VPS8: variants seen among roughly 807,000 people sequenced by gnomAD.
VPS8 encodes the protein vacuolar protein sorting-associated protein 8 homolog.
In VPS8, 129 loss-of-function variants were observed where a neutral mutation model predicts 216.4. The ratio of observed to expected loss-of-function variants is 0.60; its 90% confidence interval spans 0.52 to 0.69. The LOEUF (loss-of-function observed/expected upper bound fraction) is 0.69, where lower values mean the gene tolerates loss of function less well. Among genes scored for constraint, VPS8 ranks in the 30% least tolerant of loss-of-function variants. VPS8 has a pLI of 0.00. For missense variants in VPS8, 1,531 were observed against 1,683.5 expected (o/e 0.91, Z 1.59); for synonymous variants, 571 against 565.4 (o/e 1.01, Z -0.14).
chr3:185,036,200 C>T (rs1312755484), intron 46 of VPS8, among the ~76,000 whole-genome samples: 3 of 152,106 alleles, frequency 2.0e-5, no homozygotes, highest in Admixed American at 6.5e-5. Context: ...AAGCAATTTA[C>T]AGTCAGTGCT....
At position 184,990,017 on chromosome 3, in the gene VPS8, G is replaced by A. The variant is rs142203050; in HGVS notation, c.3586-3966G>A. The stretch of plus-strand genomic sequence containing the variant: ...GAACCTGGGAGGCAGAGCTTGCAGC[G>A]AGCCGAGACCACGCCACTGCACTCC... On this transcript the variant is annotated intron_variant, in intron 42 of 47. Transcript: ENST00000625842. Among the ~76,000 whole-genome samples, 194 of 152,118 alleles carry A rather than the reference G, an allele frequency of 1.3e-3. 1 individual carries two copies. Among genetic ancestry groups the A allele is most frequent in the African/African-American group, 4.5e-3 (185 of 41,502 alleles).
chr3:184,994,280 T>C (rs569245377), intron 43 of VPS8, among the ~76,000 whole-genome samples: 11 of 152,014 alleles, frequency 7.2e-5, no homozygotes, highest in Non-Finnish European at 1.5e-4. Context: ...GACAGGAGGA[T>C]TGCCAGAGGC....
chr3:184,932,586 T>C (rs564563037), intron 34 of VPS8, among the ~76,000 whole-genome samples: 2 of 152,314 alleles, frequency 1.3e-5, no homozygotes, highest in South Asian at 4.1e-4. Flanking sequence ...CACAGTTCTT[T>C]CTTCCCCCTT....
intron 28 of VPS8, among the ~76,000 whole-genome samples, chr3:184,916,868 C>A (rs1737688953): frequency 6.6e-6 from 1 of 152,134 alleles, no homozygotes; most frequent in South Asian, 2.1e-4. Context: ...ATGCTGATGT[C>A]TGAATTATGA....
chr3:184,907,905 A>G (rs1201792040), intron 25 of VPS8, among the ~76,000 whole-genome samples: 1 of 152,172 alleles, frequency 6.6e-6, no homozygotes, highest in Non-Finnish European at 1.5e-5. Context: ...CATGGGTTAT[A>G]AATTAGGGCC....
intron 45 of VPS8, among the ~76,000 whole-genome samples, chr3:185,018,161 G>A (rs1237775857): frequency 1.3e-5 from 2 of 152,162 alleles, no homozygotes; most frequent in African/African-American, 4.8e-5. Flanking sequence ...TCAACTAAAT[G>A]TGCTTTCCCT....
At chr3:184,856,734 G>A (rs2108690759) in intron 14 of VPS8, among the ~76,000 whole-genome samples, 1 of 152,202 alleles carries the variant, frequency 6.6e-6, no homozygotes, top group South Asian at 2.1e-4. Flanking sequence ...GCTAGTCTCT[G>A]GCCTCAGTGC....
chr3:184,978,500 A>G (rs961287356), intron 40 of VPS8, among the ~76,000 whole-genome samples: 5 of 151,486 alleles, frequency 3.3e-5, no homozygotes, highest in African/African-American at 4.9e-5. Flanking sequence ...GGCTCAAGCA[A>G]TCCTCCCACC....
intron 21 of VPS8, among the ~76,000 whole-genome samples, chr3:184,874,845 C>A (rs1343987257): frequency 6.6e-6 from 1 of 152,122 alleles, no homozygotes; most frequent in East Asian, 1.9e-4. Context: ...GTGGAGACAT[C>A]CCTGCCTAGA....
chr3:184,862,028 G>A (rs1194434043), intron 15 of VPS8, among the ~76,000 whole-genome samples: 1 of 152,084 alleles, frequency 6.6e-6, no homozygotes, highest in Non-Finnish European at 1.5e-5. Context: ...CTAATATACA[G>A]TAATAGAGTG....
chr3:184,828,179 G>A (rs1321502579), intron 3 of VPS8, among the ~76,000 whole-genome samples: 1 of 151,820 alleles, frequency 6.6e-6, no homozygotes, highest in Non-Finnish European at 1.5e-5. Context: ...TCACTCCATC[G>A]CCCAGGCTGT....
chr3:184,838,609 A>G (rs1721552535), intron 5 of VPS8, 105 bp from the exon 6 acceptor site: 2 of 914,122 alleles, frequency 2.2e-6, no homozygotes, highest in East Asian at 5.8e-5. Context: ...TCTACCTCTA[A>G]TCTAAATTGA....
At chr3:184,929,458 TG>T (rs1289869483) in intron 32 of VPS8, 121 bp from the exon 33 acceptor site, 1 of 625,502 alleles carries the variant, frequency 1.6e-6, no homozygotes, top group Non-Finnish European at 2.8e-6. Context: ...CCAAAGTGCT[TG>T]GATTATAAGC....
intron 39 of VPS8, among the ~76,000 whole-genome samples, chr3:184,967,939 A>G (rs1165241111): frequency 5.9e-5 from 9 of 152,168 alleles, no homozygotes; most frequent in Non-Finnish European, 1.2e-4. Context: ...AGCATTAAGT[A>G]TATTCACGTA....
chr3:184,954,313 G>A (rs1367361019), intron 36 of VPS8, among the ~76,000 whole-genome samples: 1 of 152,138 alleles, frequency 6.6e-6, no homozygotes, highest in Non-Finnish European at 1.5e-5. Context: ...GCTTTATTAT[G>A]TAGACGTGAT....
chr3:184,980,057 G>T (rs966527421), intron 40 of VPS8, among the ~76,000 whole-genome samples: 1 of 152,134 alleles, frequency 6.6e-6, no homozygotes, highest in African/African-American at 2.4e-5. Context: ...ATGAGGTTTA[G>T]TTTGTTTGGA....
intron 21 of VPS8, among the ~76,000 whole-genome samples, chr3:184,879,360 CT>C (rs926603256): frequency 1.2e-4 from 18 of 151,976 alleles, no homozygotes; most frequent in African/African-American, 4.3e-4. Flanking sequence ...TACTTGTTTT[CT>C]TTTTTTTAAT....
chr3:185,017,855 C>T (rs1756036900), intron 45 of VPS8, among the ~76,000 whole-genome samples: 3 of 151,984 alleles, frequency 2.0e-5, no homozygotes, highest in African/African-American at 7.3e-5. Context: ...TGACGTTTCC[C>T]GAAATCAGGT....
At chr3:184,946,101 G>C (rs1743626957) in intron 36 of VPS8, among the ~76,000 whole-genome samples, 1 of 152,216 alleles carries the variant, frequency 6.6e-6, no homozygotes, top group South Asian at 2.1e-4. Flanking sequence ...GGAAGTCACA[G>C]ATCTTACGAT....
Sources: gnomAD v4.1 joint callset for allele counts (sites outside exome capture counted in the v4.1 genomes callset) on GRCh38, gnomAD v4.1.1 for gene constraint, MANE v1.5 for transcripts, NCBI Gene and HGNC (gene_info 2026-07-23, HGNC 2026-07-21) for gene names.